The following STK32B variants were observed in gnomAD, a reference collection of about 807,000 sequenced individuals.
STK32B encodes the protein serine/threonine kinase 32B.
STK32B carries 43 observed loss-of-function variants against 52.6 expected under a neutral mutation model. The ratio of observed to expected loss-of-function variants is 0.82; its 90% CI spans 0.64 to 1.05. STK32B has a LOEUF of 1.05. Ranked by LOEUF, STK32B falls within the 50% of genes least tolerant of loss-of-function variation. The pLI is 0.00. For missense variants in STK32B, 621 were observed against 534.6 expected, an observed-to-expected ratio of 1.16 and a Z score of -1.59; for synonymous variants, 238 against 204.3, an observed-to-expected ratio of 1.17 and a Z score of -1.41.
the STK32B span, among the ~76,000 whole-genome samples, chr4:5,026,113 G>A: frequency 6.6e-6 from 1 of 152,226 alleles, no homozygotes; most frequent in African/African-American, 2.4e-5. Flanking sequence ...GCTGCCCATT[G>A]CTTAAGTACC....
chr4:5,438,056 C>T (rs1714261274), intron 6 of STK32B: 2 of 985,506 alleles, frequency 2.0e-6, no homozygotes, highest in Admixed American at 6.1e-5. Flanking sequence ...TCTGAATGGA[C>T]TTGGGGCTGC....
chr4:5,497,718 A>T (rs6813177), intron 11 of STK32B, among the ~76,000 whole-genome samples: 6,374 of 152,188 alleles, frequency 0.042, 442 homozygotes, highest in African/African-American at 0.14. Context: ...GCGCACACAC[A>T]CACACTCATA....
intron 4 of STK32B, among the ~76,000 whole-genome samples, chr4:5,334,844 A>G (rs1208790199): frequency 2.0e-5 from 3 of 151,936 alleles, no homozygotes; most frequent in Non-Finnish European, 4.4e-5. Flanking sequence ...ATCATGGTGG[A>G]TAAGCTTTTT....
chr4:5,134,615 T>C (rs1715962551), intron 1 of STK32B, among the ~76,000 whole-genome samples: 2 of 152,178 alleles, frequency 1.3e-5, no homozygotes, highest in African/African-American at 4.8e-5. Flanking sequence ...GGGGGTGACA[T>C]TGTCTAATTT....
intron 2 of STK32B, among the ~76,000 whole-genome samples, chr4:5,153,547 A>G (rs1431577731): frequency 6.6e-6 from 1 of 151,602 alleles, no homozygotes; most frequent in Non-Finnish European, 1.5e-5. Context: ...CCTAGAAGGA[A>G]CTCTCTCGAC....
intron 4 of STK32B, among the ~76,000 whole-genome samples, chr4:5,344,120 A>G (rs1354683093): frequency 6.6e-6 from 1 of 152,188 alleles, no homozygotes; most frequent in Non-Finnish European, 1.5e-5. Context: ...TGTGAAGTGC[A>G]GGACCCCGGT....
At chr4:5,457,764 T>G (rs1372862752) in intron 8 of STK32B, among the ~76,000 whole-genome samples, 1 of 151,576 alleles carries the variant, frequency 6.6e-6, no homozygotes, top group Non-Finnish European at 1.5e-5. Flanking sequence ...TCCCAGCTAC[T>G]TGGAGGCTGA....
At chr4:5,311,826 T>A (rs6846429) in intron 3 of STK32B, among the ~76,000 whole-genome samples, 19,368 of 151,788 alleles carry the variant, frequency 0.13, 2,687 homozygotes, top group African/African-American at 0.35. Flanking sequence ...ACAAGAGAAT[T>A]CTATCAAACG....
At chr4:5,494,915 C>T (rs557637217) in intron 11 of STK32B, among the ~76,000 whole-genome samples, 6 of 152,354 alleles carry the variant, frequency 3.9e-5, no homozygotes, top group South Asian at 2.1e-4. Flanking sequence ...CCACTCTCTT[C>T]TGGCTTGTAG....
At chr4:5,161,756 T>C (rs930627) in intron 2 of STK32B, among the ~76,000 whole-genome samples, 53,372 of 151,980 alleles carry the variant, frequency 0.35, 9,598 homozygotes, top group African/African-American at 0.39. Flanking sequence ...CATAGTCTTC[T>C]TTCAGCGAAT....
At chr4:5,358,559 A>G (rs774035839) in intron 4 of STK32B, among the ~76,000 whole-genome samples, 5 of 152,132 alleles carry the variant, frequency 3.3e-5, no homozygotes, top group Non-Finnish European at 5.9e-5. Flanking sequence ...CATTAAGAAC[A>G]AAGACATTAA....
rs1343231990 is a variant in STK32B at position 5,331,335 on chromosome 4, T to G, written c.376T>G (p.Tyr126Asp). Residue 126 changes from tyrosine to aspartate, a missense_variant, in exon 4 of 12, where the codon TAC (tyrosine) becomes GAC (aspartate). By Grantham distance (160) the Tyr-to-Asp change is radical. Transcript: ENST00000282908. ...TTTCACAGAGGGGACTGTGAAACTC[T>G]ACATCTGTGAGCTGGCACTGGCCCT... Reference protein sequence around the residue: ...VHFTEGTVKLYICELALALEY... With the variant: ...VHFTEGTVKLDICELALALEY... The G allele has an allele frequency of 6.2e-7, 1 of 1,613,814 alleles. No individual in the cohort carries two copies. Among genetic ancestry groups the G allele is most frequent in the Admixed American group, 1.7e-5 (1 of 59,992 alleles).
intron 11 of STK32B, among the ~76,000 whole-genome samples, chr4:5,475,026 C>G (rs1269669044): frequency 6.6e-6 from 1 of 152,046 alleles, no homozygotes; most frequent in African/African-American, 2.4e-5. Context: ...GGGAGGAATT[C>G]CAGCCAGAGA....
intron 3 of STK32B, among the ~76,000 whole-genome samples, chr4:5,263,700 G>T (rs555367493): frequency 7.2e-5 from 11 of 152,218 alleles, no homozygotes; most frequent in Admixed American, 7.2e-4. Flanking sequence ...TGATTTTGAC[G>T]TGTGTATTCA....
At chr4:5,227,540 C>T (rs934749816) in intron 3 of STK32B, among the ~76,000 whole-genome samples, 1 of 152,146 alleles carries the variant, frequency 6.6e-6, no homozygotes, top group African/African-American at 2.4e-5. Flanking sequence ...CACTTGAAAA[C>T]TCAAAATTTT....
chr4:5,347,225 A>G (rs952084232), intron 4 of STK32B, among the ~76,000 whole-genome samples: 1 of 152,238 alleles, frequency 6.6e-6, no homozygotes, highest in African/African-American at 2.4e-5. Context: ...GGATTCAGCT[A>G]AGAACAGAGC....
intron 4 of STK32B, among the ~76,000 whole-genome samples, chr4:5,367,278 A>G (rs188242234): frequency 9.9e-5 from 15 of 152,184 alleles, no homozygotes; most frequent in East Asian, 9.7e-4. Flanking sequence ...ATAGTTCTTT[A>G]TGCCTTTTGA....
intron 3 of STK32B, among the ~76,000 whole-genome samples, chr4:5,309,469 C>CT (rs1306850008): frequency 6.6e-6 from 1 of 152,172 alleles, no homozygotes; most frequent in Non-Finnish European, 1.5e-5. Context: ...AGGTATCACA[C>CT]TACCAGACTT....
intron 11 of STK32B, among the ~76,000 whole-genome samples, chr4:5,481,818 C>A (rs1718737682): frequency 6.6e-6 from 1 of 152,156 alleles, no homozygotes; most frequent in Non-Finnish European, 1.5e-5. Context: ...GCCAGTTTTC[C>A]CAGCACCATT....
Sources: allele counts gnomAD v4.1 joint callset (sites outside exome capture counted in the v4.1 genomes callset), GRCh38; gene constraint gnomAD v4.1.1; transcripts MANE v1.5; gene names NCBI Gene and HGNC (gene_info 2026-07-23, HGNC 2026-07-21).